ARHGAP29: variants seen among roughly 807,000 people sequenced by gnomAD.
ARHGAP29 encodes the protein Rho GTPase activating protein 29.
ARHGAP29 carries 43 observed loss-of-function variants against 122.6 expected under a neutral mutation model. The ratio of observed to expected loss-of-function variants is 0.35; its 90% CI spans 0.27 to 0.45. The LOEUF (loss-of-function observed/expected upper bound fraction) is 0.45, where lower values mean the gene tolerates loss of function less well. Ranked by LOEUF, ARHGAP29 falls within the 20% of genes least tolerant of loss-of-function variation. The pLI is 1.00. For missense variants in ARHGAP29, 1,303 were observed against 1,477.2 expected (o/e 0.88, Z 1.93); for synonymous variants, 506 against 497.1 (o/e 1.02, Z -0.24).
the ARHGAP29 span, among the ~76,000 whole-genome samples, chr1:94,294,281 C>T: frequency 0.23 from 34,905 of 151,376 alleles, 4,205 homozygotes; most frequent in East Asian, 0.45. Flanking sequence ...CACACACACA[C>T]ACGCGCATAT....
At chr1:94,218,302 TC>T (rs1652080791) in intron 3 of ARHGAP29, among the ~76,000 whole-genome samples, 1 of 152,082 alleles carries the variant, frequency 6.6e-6, no homozygotes, top group Non-Finnish European at 1.5e-5. Context: ...AAAATAATCT[TC>T]CCCTTTTAAA....
At chr1:94,186,730 A>C in intron 15 of ARHGAP29, 133 bp from the exon 16 acceptor site, 2 of 647,756 alleles carry the variant, frequency 3.1e-6, no homozygotes, top group Non-Finnish European at 5.3e-6. Flanking sequence ...TTCTATTCTC[A>C]TACTCTGGGT....
chr1:94,307,766 T>A, the ARHGAP29 span, among the ~76,000 whole-genome samples: 1 of 152,198 alleles, frequency 6.6e-6, no homozygotes, highest in Admixed American at 6.5e-5. Flanking sequence ...TCATCAATTT[T>A]AAAAAGTTAA....
At chr1:94,235,652 GCAAAA>G (rs1462495059) in intron 1 of ARHGAP29, among the ~76,000 whole-genome samples, 1 of 152,110 alleles carries the variant, frequency 6.6e-6, no homozygotes, top group African/African-American at 2.4e-5. Context: ...ATAGACTTGT[GCAAAA>G]TATTTTTGAC....
chr1:94,272,723 T>C (rs1161068627), intron 1 of ARHGAP29, among the ~76,000 whole-genome samples: 2 of 152,152 alleles, frequency 1.3e-5, no homozygotes, highest in Non-Finnish European at 2.9e-5. Flanking sequence ...TCCCCTTCTC[T>C]CCTTCCACGG....
At position 94,189,238 on chromosome 1, in the gene ARHGAP29, G is replaced by A. The variant is rs1649990926; in HGVS notation, c.1554C>T (p.Cys518=). The change falls in exon 14 of 23, where the codon TGC becomes TGT. Residue 518 remains cysteine (C), a synonymous_variant. Transcript: ENST00000260526. ...DSSNKIEEDR[C]SNSADITGPS... ...TACCTGTTATATCTGCACTGTTAGA[G>A]CATCTGTCCTCTTCAATTTTATTAG... is the stretch of plus-strand genomic sequence containing the variant. The A allele has an allele frequency of 6.2e-7, 1 of 1,612,076 alleles. No individual in the cohort carries two copies. The highest frequency in any genetic ancestry group is 8.5e-7 in the Non-Finnish European group (1 of 1,179,268).
the ARHGAP29 span, among the ~76,000 whole-genome samples, chr1:94,289,527 T>C: frequency 6.6e-6 from 1 of 152,214 alleles, no homozygotes; most frequent in African/African-American, 2.4e-5. Flanking sequence ...TCCAACACTA[T>C]GTTGAATAGG....
chr1:94,181,784 G>C (rs754975827), intron 19 of ARHGAP29, among the ~76,000 whole-genome samples: 1 of 152,194 alleles, frequency 6.6e-6, no homozygotes, highest in Non-Finnish European at 1.5e-5. Context: ...TTAGGACTGT[G>C]CTATTAATAT....
chr1:94,250,797 TTAC>T (rs1654053640), intron 1 of ARHGAP29, among the ~76,000 whole-genome samples: 1 of 152,234 alleles, frequency 6.6e-6, no homozygotes, highest in Admixed American at 6.5e-5. Flanking sequence ...CCAAATTAAG[TTAC>T]TACATTTCGA....
the ARHGAP29 span, among the ~76,000 whole-genome samples, chr1:94,290,020 A>G: frequency 6.6e-6 from 1 of 152,202 alleles, no homozygotes; most frequent in Admixed American, 6.5e-5. Context: ...TGAGTTAGGG[A>G]GGATTCCCTC....
the ARHGAP29 span, among the ~76,000 whole-genome samples, chr1:94,291,751 C>A: frequency 6.6e-6 from 1 of 152,180 alleles, no homozygotes; most frequent in Non-Finnish European, 1.5e-5. Flanking sequence ...GATGAAAATT[C>A]TTTTCTTTAA....
the ARHGAP29 span, among the ~76,000 whole-genome samples, chr1:94,281,807 A>C: frequency 4.6e-5 from 7 of 152,254 alleles, no homozygotes; most frequent in Admixed American, 2.0e-4. Context: ...GTGAGTAATA[A>C]GTGCAGTTTT....
At chr1:94,181,529 A>G (rs948011132) in intron 19 of ARHGAP29, among the ~76,000 whole-genome samples, 7 of 152,164 alleles carry the variant, frequency 4.6e-5, no homozygotes, top group Admixed American at 4.6e-4. Context: ...CTAGGCAAGG[A>G]AAGACCCTTC....
At chr1:94,295,900 C>T in the ARHGAP29 span, among the ~76,000 whole-genome samples, 1 of 152,028 alleles carries the variant, frequency 6.6e-6, no homozygotes, top group Non-Finnish European at 1.5e-5. Context: ...GGAACAATTA[C>T]CTTAGATTTG....
chr1:94,203,882 A>G (rs750569194), intron 8 of ARHGAP29, 48 bp downstream of exon 8: 74 of 1,527,616 alleles, frequency 4.8e-5, no homozygotes, highest in Non-Finnish European at 6.0e-5. Flanking sequence ...TTGGGAGTTC[A>G]TGAGTAGTTT....
chr1:94,259,222 G>A (rs1278412690), intron 1 of ARHGAP29, among the ~76,000 whole-genome samples: 1 of 152,172 alleles, frequency 6.6e-6, no homozygotes, highest in African/African-American at 2.4e-5. Context: ...CTCTGCCAGT[G>A]ATGGGCAGCT....
At chr1:94,305,980 A>G in the ARHGAP29 span, among the ~76,000 whole-genome samples, 1 of 152,370 alleles carries the variant, frequency 6.6e-6, no homozygotes, top group Admixed American at 6.5e-5. Flanking sequence ...CACTGGAACA[A>G]CAACTCATTT....
chr1:94,244,880 G>A (rs1653731097), intron 1 of ARHGAP29, among the ~76,000 whole-genome samples: 1 of 151,972 alleles, frequency 6.6e-6, no homozygotes, highest in African/African-American at 2.4e-5. Context: ...AATATATCAG[G>A]AACTCTTACA....
chr1:94,272,722 C>T (rs920155523), intron 1 of ARHGAP29, among the ~76,000 whole-genome samples: 3 of 152,180 alleles, frequency 2.0e-5, no homozygotes, highest in African/African-American at 7.2e-5. Context: ...TTCCCCTTCT[C>T]TCCTTCCACG....
Sources: allele counts gnomAD v4.1 joint callset (sites outside exome capture counted in the v4.1 genomes callset), GRCh38; gene constraint gnomAD v4.1.1; transcripts MANE v1.5; gene names NCBI Gene and HGNC (gene_info 2026-07-23, HGNC 2026-07-21).